EPS8: variants seen among roughly 807,000 people sequenced by gnomAD.
EPS8 encodes the protein epidermal growth factor receptor kinase substrate 8.
Under a neutral mutation model 103.8 loss-of-function variants are expected in EPS8, and 42 were observed. That is an observed-to-expected ratio of 0.40 (90% CI 0.32 to 0.52). The LOEUF (loss-of-function observed/expected upper bound fraction) is 0.52, where lower values mean the gene tolerates loss of function less well. Ranked by LOEUF, EPS8 falls within the 20% of genes least tolerant of loss-of-function variation. The probability of loss-of-function intolerance (pLI) is 0.40; values close to 1 mark genes in which losing one functional copy is unlikely to be tolerated. For synonymous variants in EPS8, 344 were observed against 344.6 expected (o/e 1.00, Z 0.02); for missense variants, 969 against 1,005.1 (o/e 0.96, Z 0.49).
Position 15,665,769 on chromosome 12 carries a change from G to A in EPS8, c.723C>T (p.Ala241=), listed in dbSNP as rs538148934. ...SRVAAWSAWA[A]DQGDFEKPRQ... ...AGGAAGACTCACAGTCCCCTTGGTC[G>A]GCTGCCCATGCAGACCAGGCTGCCA... The change falls in exon 8 of 21, where the codon GCC becomes GCT. Residue 241 remains alanine, a synonymous_variant. Coordinates refer to ENST00000281172, the MANE Select transcript of EPS8 (RefSeq NM_004447.6). The A allele has an allele frequency of 4.2e-5, 68 of 1,613,402 alleles. No homozygotes were observed. Among genetic ancestry groups the A allele is most frequent in the South Asian group, 5.5e-5 (5 of 91,000 alleles).
intron 11 of EPS8, 59 bp from the exon 12 acceptor site, chr12:15,658,212 G>A: frequency 1.7e-6 from 2 of 1,178,362 alleles, no homozygotes; most frequent in Non-Finnish European, 2.5e-6. Context: ...CACTCAGAAA[G>A]GTCCAACATA....
chr12:15,678,914 C>CA (rs34794895), intron 3 of EPS8, among the ~76,000 whole-genome samples: 8,566 of 53,610 alleles, frequency 0.16, 1,063 homozygotes, highest in African/African-American at 0.38. Context: ...ACTCTGTCTC[C>CA]AAAAAAAAAA....
intron 1 of EPS8, among the ~76,000 whole-genome samples, chr12:15,686,325 CTATTAG>C: frequency 6.6e-6 from 1 of 152,088 alleles, no homozygotes; most frequent in Non-Finnish European, 1.5e-5. Context: ...AGACAGTAGG[CTATTAG>C]TATATGTTTT....
At position 15,620,577 on chromosome 12, in the gene EPS8, T is replaced by C. The variant is rs1944847162; in HGVS notation, c.*740A>G. The C allele has an allele frequency of 6.6e-6, 1 of 152,642 alleles. No individual in the cohort carries two copies. Among genetic ancestry groups the C allele is most frequent in the African/African-American group, 2.4e-5 (1 of 41,456 alleles). 9.5% of individuals were successfully genotyped at this position (152,642 alleles called of 1,614,324 possible). ...CACCAATGCAGACTACTTCCTTTGC[T>C]AGATTTTGAGAAGACATGACCTCTT... On this transcript the variant is annotated 3_prime_UTR_variant, in exon 21 of 21. Coordinates refer to ENST00000281172, the MANE Select transcript of EPS8 (RefSeq NM_004447.6).
chr12:15,715,713 T>A (rs79820609), intron 1 of EPS8, among the ~76,000 whole-genome samples: 2,012 of 152,120 alleles, frequency 0.013, 45 homozygotes, highest in African/African-American at 0.046. Flanking sequence ...GGTCTCGAAA[T>A]CCTGACCTCA....
chr12:15,663,948 A>ATATATATAT (rs1565487267), intron 8 of EPS8, among the ~76,000 whole-genome samples: 1 of 49,412 alleles, frequency 2.0e-5, no homozygotes, highest in African/African-American at 5.9e-5. Flanking sequence ...AAAAAAAAAT[A>ATATATATAT]ATATATATAT....
rs958598441 is a variant in EPS8 at position 15,701,226 on chromosome 12, C to T, written c.-21-18254G>A. On this transcript the variant is annotated intron_variant, in intron 1 of 20. Transcript: ENST00000281172. The surrounding 1 kb of genome is among the most constrained non-coding windows in gnomAD (Gnocchi z 5.1). ...TTATTAAATCCATATATGTGTCAAACGTTGTTGTAAGTTCTTTGCATGCAT... is the reference window on the plus strand; with the variant it reads ...TTATTAAATCCATATATGTGTCAAATGTTGTTGTAAGTTCTTTGCATGCAT... Among the ~76,000 whole-genome samples the T allele has an allele frequency of 3.3e-5, 5 of 152,100 alleles. No individual in the cohort carries two copies. The East Asian group carries it at 5.8e-4, about 18-fold the overall frequency.
rs372100719 is a variant in EPS8 at position 15,647,231 on chromosome 12, G to A, written c.1464C>T (p.Ala488=). ...EHSSVSEYHP[A]DGYAFSSNIY... ...TGTTGCTACTGAACGCATAGCCATC[G>A]GCTGGATGATACTCTGATACACTGG... is the stretch of plus-strand genomic sequence containing the variant. Residue 488 remains alanine, a synonymous_variant, in exon 15 of 21, where the codon GCC becomes GCT. Coordinates refer to ENST00000281172, the MANE Select transcript of EPS8 (RefSeq NM_004447.6). 27 of 1,613,432 alleles carry A rather than the reference G, an allele frequency of 1.7e-5. No homozygotes were observed. The Admixed American group carries it at 3.0e-4, about 18-fold the overall frequency.
chr12:15,691,863 A>C (rs1946176661), intron 1 of EPS8, among the ~76,000 whole-genome samples: 1 of 152,102 alleles, frequency 6.6e-6, no homozygotes, highest in South Asian at 2.1e-4. Context: ...CCCAACTCTT[A>C]GTGATCCTAT....
chr12:15,759,019 AT>A lies in EPS8; in HGVS notation c.-22+30141del, dbSNP rs199539601. Among the ~76,000 whole-genome samples the A allele has an allele frequency of 2.0e-4, 30 of 151,850 alleles. No homozygotes were observed. Among genetic ancestry groups the A allele is most frequent in the Admixed American group, 8.5e-4 (13 of 15,228 alleles). On this transcript the variant is annotated intron_variant, in intron 1 of 20. Transcript: ENST00000281172. The surrounding 1 kb of genome is among the most constrained non-coding windows in gnomAD (Gnocchi z 4.9). ...GCCTGGATTCTGGATTCTTCTACAG[AT>A]TTTTTTTTAAAATTTTTTAATTAAA...
intron 1 of EPS8, among the ~76,000 whole-genome samples, chr12:15,685,325 T>C (rs914224438): frequency 3.9e-5 from 6 of 152,022 alleles, no homozygotes; most frequent in Non-Finnish European, 8.8e-5. Flanking sequence ...AGTGTAAAGA[T>C]GAAATGAGAT....
chr12:15,666,583 T>C, intron 6 of EPS8, 61 bp from the exon 7 acceptor site: 1 of 1,193,212 alleles, frequency 8.4e-7, no homozygotes, highest in East Asian at 2.3e-5. Context: ...GATATGTAGT[T>C]TAAAACAGAA....
Position 15,736,032 on chromosome 12 carries a change from C to T in EPS8, c.-21-53060G>A, listed in dbSNP as rs7304983. On this transcript the variant is annotated intron_variant, in intron 1 of 20. Coordinates refer to ENST00000281172, the MANE Select transcript of EPS8 (RefSeq NM_004447.6). This position sits in a 1 kb window ranked among gnomAD's most constrained non-coding sequence, Gnocchi z 4.2. Reference sequence around the variant, plus strand: ...TCCCAAGTAGCTAGGACTACAGGTGCGTACCACCATACCCAGCTAATTTTT... The same window carrying T: ...TCCCAAGTAGCTAGGACTACAGGTGTGTACCACCATACCCAGCTAATTTTT... 0.012 allele frequency among the ~76,000 whole-genome samples: 1,820 copies of T among 152,108 alleles called. 32 individuals are homozygous for T. The highest frequency in any genetic ancestry group is 0.036 in the African/African-American group (1,509 of 41,480).
rs572921736 is a variant in EPS8, at chr12:15,723,025, A to C, written c.-21-40053T>G. Among the ~76,000 whole-genome samples, 39 of 152,170 alleles carry C rather than the reference A, an allele frequency of 2.6e-4. 1 individual carries two copies. In the South Asian group the frequency reaches 4.6e-3, roughly 18 times the overall value. On this transcript the variant is annotated intron_variant, in intron 1 of 20. Coordinates refer to ENST00000281172, the MANE Select transcript of EPS8 (RefSeq NM_004447.6). ...TGTTTGAAAAAAAAAAACAAACAAA[A>C]AAAAAACATTTTTCAAGGCTGGGCA... is the stretch of plus-strand genomic sequence containing the variant.
chr12:15,646,247 C>A (rs925854977), intron 15 of EPS8, among the ~76,000 whole-genome samples: 2 of 151,998 alleles, frequency 1.3e-5, no homozygotes, highest in African/African-American at 4.8e-5. Flanking sequence ...CTGTCACCAC[C>A]CCTGACAAAG....
At chr12:15,637,925 T>A (rs761967442) in intron 17 of EPS8, among the ~76,000 whole-genome samples, 2 of 152,172 alleles carry the variant, frequency 1.3e-5, no homozygotes, top group African/African-American at 2.4e-5. Flanking sequence ...TTTTACCAAG[T>A]GTGTGAGATG....
Position 15,781,153 on chromosome 12 carries a change from G to A in EPS8, c.-22+8008C>T, listed in dbSNP as rs1486950104. ...GATCCTCATTCTTTAAAACAACCGTGTTCCATCACCACATACCTCTGGTCA... is the reference window on the plus strand; with the variant it reads ...GATCCTCATTCTTTAAAACAACCGTATTCCATCACCACATACCTCTGGTCA... On this transcript the variant is annotated intron_variant, in intron 1 of 20. Transcript: ENST00000281172. This position sits in a 1 kb window ranked among gnomAD's most constrained non-coding sequence, Gnocchi z 4.1. 6.6e-6 allele frequency among the ~76,000 whole-genome samples: 1 copy of A among 152,168 alleles called. No individual in the cohort carries two copies. The highest frequency in any genetic ancestry group is 1.5e-5 in the Non-Finnish European group (1 of 68,034).
rs1319785922 is a variant in EPS8 at position 15,757,426 on chromosome 12, C to T, written c.-22+31735G>A. 6.6e-6 allele frequency among the ~76,000 whole-genome samples: 1 copy of T among 151,998 alleles called. No individual in the cohort carries two copies. Among genetic ancestry groups the T allele is most frequent in the Admixed American group, 6.6e-5 (1 of 15,256 alleles). On this transcript the variant is annotated intron_variant, in intron 1 of 20. Coordinates refer to ENST00000281172, the MANE Select transcript of EPS8 (RefSeq NM_004447.6). The surrounding 1 kb of genome is among the most constrained non-coding windows in gnomAD (Gnocchi z 4.1). ...TGGGCAGATCACAAAGTCAGGAGAT[C>T]GAGACCATCCTGGCCAACACGGTGA...
chr12:15,781,347 T>C lies in EPS8; in HGVS notation c.-22+7814A>G, dbSNP rs537842578. On this transcript the variant is annotated intron_variant, in intron 1 of 20. Coordinates refer to ENST00000281172, the MANE Select transcript of EPS8 (RefSeq NM_004447.6). The surrounding 1 kb of genome is among the most constrained non-coding windows in gnomAD (Gnocchi z 4.1). ...AAGGACACTCTGGCCATCCTTGCCC[T>C]TTTTCTTTAATAAGGGCAGCACAAC... 1.3e-5 allele frequency among the ~76,000 whole-genome samples: 2 copies of C among 152,300 alleles called. No individual in the cohort carries two copies. Among genetic ancestry groups the C allele is most frequent in the South Asian group, 4.1e-4 (2 of 4,826 alleles).
Sources: allele counts gnomAD v4.1 joint callset (sites outside exome capture counted in the v4.1 genomes callset), GRCh38; gene constraint gnomAD v4.1.1; non-coding constraint Gnocchi (gnomAD v3.1); transcripts MANE v1.5; gene names NCBI Gene and HGNC (gene_info 2026-07-23, HGNC 2026-07-21).